Variants in ANAPC4 observed in about 807,000 individuals in gnomAD.
The protein encoded by ANAPC4 is anaphase promoting complex subunit 4, also known as anaphase-promoting complex subunit 4.
A neutral mutation model predicts 119.8 loss-of-function variants in ANAPC4; 63 were observed. That is an observed-to-expected ratio of 0.53 (90% CI 0.43 to 0.65). The LOEUF (loss-of-function observed/expected upper bound fraction) is 0.65, where lower values mean the gene tolerates loss of function less well. Ranked by LOEUF, ANAPC4 falls within the 30% of genes least tolerant of loss-of-function variation. ANAPC4 has a pLI of 0.00. For synonymous variants in ANAPC4, 283 were observed against 318.6 expected, an observed-to-expected ratio of 0.89 and a Z score of 1.19; for missense variants, 716 against 945.1, an observed-to-expected ratio of 0.76 and a Z score of 3.18.
rs755040595 is a variant in ANAPC4 at position 25,415,532 on chromosome 4, C to G, written c.1893C>G (p.Val631=). 4.3e-6 allele frequency: 7 copies of G among 1,612,054 alleles called. No individual in the cohort carries two copies. The Admixed American group carries it at 1.2e-4, about 27-fold the overall frequency. Residue 631 remains valine (V), a synonymous_variant, in exon 26 of 29, where the codon GTC becomes GTG. Transcript: ENST00000315368. The stretch of plus-strand genomic sequence containing the variant: ...TTACATATGCCACAACAGAAAAAGT[C>G]AGAAGAAGGTAAGTCTTGAATCTTG... The part of the protein sequence containing the change: ...GSFTYATTEK[V]RRSIYSCLDA...
chr4:25,399,738 G>A (rs1467615796), intron 16 of ANAPC4, among the ~76,000 whole-genome samples: 4 of 152,144 alleles, frequency 2.6e-5, no homozygotes, highest in Admixed American at 2.6e-4. Context: ...CAAGGGAGGG[G>A]TCCAGGCTGG....
chr4:25,402,146 A>G (rs1723014009), intron 16 of ANAPC4, among the ~76,000 whole-genome samples: 1 of 152,100 alleles, frequency 6.6e-6, no homozygotes. Flanking sequence ...TTTTGATTAT[A>G]TTGCTTAGTA....
intron 20 of ANAPC4, among the ~76,000 whole-genome samples, chr4:25,408,950 C>G (rs1271302904): frequency 6.6e-6 from 1 of 152,120 alleles, no homozygotes; most frequent in Non-Finnish European, 1.5e-5. Flanking sequence ...TTAATGACTT[C>G]ATTAAAGATA....
intron 2 of ANAPC4, among the ~76,000 whole-genome samples, chr4:25,377,930 G>A (rs906582602): frequency 6.6e-6 from 1 of 152,202 alleles, no homozygotes; most frequent in Admixed American, 6.5e-5. Flanking sequence ...GTAGATGCAG[G>A]GACCCTGCCC....
At chr4:25,401,584 C>G (rs1365130035) in intron 16 of ANAPC4, among the ~76,000 whole-genome samples, 1 of 152,218 alleles carries the variant, frequency 6.6e-6, no homozygotes, top group Non-Finnish European at 1.5e-5. Context: ...CTGGGCTTCT[C>G]CAAGGCGGAG....
intron 7 of ANAPC4, among the ~76,000 whole-genome samples, chr4:25,389,490 A>G (rs1577376723): frequency 6.6e-6 from 1 of 151,028 alleles, no homozygotes; most frequent in Non-Finnish European, 1.5e-5. Flanking sequence ...ACGGGGTTTC[A>G]CCATGTTGGC....
intron 2 of ANAPC4, among the ~76,000 whole-genome samples, chr4:25,379,636 G>C (rs1198616511): frequency 6.6e-6 from 1 of 152,182 alleles, no homozygotes; most frequent in Non-Finnish European, 1.5e-5. Context: ...CTGACCATGA[G>C]CTGCAGAAAG....
At chr4:25,384,787 A>T (rs972152705) in intron 4 of ANAPC4, among the ~76,000 whole-genome samples, 24 of 143,962 alleles carry the variant, frequency 1.7e-4, no homozygotes, top group African/African-American at 5.7e-4. Context: ...TGGGTGACAG[A>T]GTGACCTGTC....
At chr4:25,410,035 A>C (rs780068097) in intron 21 of ANAPC4, among the ~76,000 whole-genome samples, 2 of 152,200 alleles carry the variant, frequency 1.3e-5, no homozygotes, top group Non-Finnish European at 2.9e-5. Context: ...GTGTTCTCAT[A>C]TAAGTGTTTT....
intron 14 of ANAPC4, among the ~76,000 whole-genome samples, chr4:25,395,793 T>C (rs1332121649): frequency 6.6e-6 from 1 of 152,184 alleles, no homozygotes; most frequent in Non-Finnish European, 1.5e-5. Flanking sequence ...GCTGAGTCCC[T>C]GGCCCTAACT....
intron 10 of ANAPC4, among the ~76,000 whole-genome samples, chr4:25,393,434 G>A (rs1322149090): frequency 6.6e-6 from 1 of 152,140 alleles, no homozygotes; most frequent in Non-Finnish European, 1.5e-5. Context: ...GGCTGAGGCA[G>A]GTGGATCACT....
In ANAPC4 at chr4:25,408,327, C is replaced by T. The variant is rs563619723; in HGVS notation, c.1431+1074C>T. ...TTCATTCATCTTCTTGCACTTTGAACGGATCTTTTGTCCACGCATAATTTT... is the reference window on the plus strand; with the variant it reads ...TTCATTCATCTTCTTGCACTTTGAATGGATCTTTTGTCCACGCATAATTTT... On this transcript the variant is annotated intron_variant, in intron 20 of 28. Coordinates refer to ENST00000315368, the MANE Select transcript of ANAPC4 (RefSeq NM_013367.3). Among the ~76,000 whole-genome samples, 15 of 152,204 alleles carry T rather than the reference C, an allele frequency of 9.9e-5. 1 individual carries two copies. Among genetic ancestry groups the T allele is most frequent in the African/African-American group, 2.2e-4 (9 of 41,526 alleles).
intron 20 of ANAPC4, among the ~76,000 whole-genome samples, chr4:25,408,764 G>A (rs1310919913): frequency 6.6e-6 from 1 of 152,008 alleles, no homozygotes. Context: ...CTCCTAAAGT[G>A]CGGGGATTAC....
At chr4:25,400,218 TTATG>T (rs1722889676) in intron 16 of ANAPC4, among the ~76,000 whole-genome samples, 1 of 152,052 alleles carries the variant, frequency 6.6e-6, no homozygotes, top group South Asian at 2.1e-4. Flanking sequence ...TGGAGCATGT[TTATG>T]TATGGATGGA....
chr4:25,407,964 G>GA, intron 20 of ANAPC4, among the ~76,000 whole-genome samples: 1 of 152,260 alleles, frequency 6.6e-6, no homozygotes, highest in African/African-American at 2.4e-5. Flanking sequence ...TATTTTTAGT[G>GA]AAAAATAATG....
At chr4:25,383,195 G>A (rs1721840642) in intron 3 of ANAPC4, 66 bp from the exon 4 acceptor site, 4 of 1,425,028 alleles carry the variant, frequency 2.8e-6, no homozygotes, top group Admixed American at 4.8e-5. Context: ...GGGCAATAAG[G>A]GAAATACCCA....
At chr4:25,417,472 T>TAACA (rs2109150047) in intron 27 of ANAPC4, 144 bp from the exon 28 acceptor site, 1 of 859,074 alleles carries the variant, frequency 1.2e-6, no homozygotes, top group East Asian at 2.9e-5. Context: ...GCTTTTTTTC[T>TAACA]AACACAACAG....
chr4:25,409,998 C>T (rs756462655), intron 21 of ANAPC4, among the ~76,000 whole-genome samples: 3 of 152,144 alleles, frequency 2.0e-5, no homozygotes, highest in Non-Finnish European at 2.9e-5. Flanking sequence ...AAGTTAACTA[C>T]GCTGTAGGAA....
chr4:25,379,833 C>A (rs1278026853), intron 2 of ANAPC4, among the ~76,000 whole-genome samples: 1 of 151,906 alleles, frequency 6.6e-6, no homozygotes. Context: ...AGTGGTGAGG[C>A]CTTTTCTTCC....
Sources: gnomAD v4.1 joint callset for allele counts (sites outside exome capture counted in the v4.1 genomes callset) on GRCh38, gnomAD v4.1.1 for gene constraint, MANE v1.5 for transcripts, NCBI Gene and HGNC (gene_info 2026-07-23, HGNC 2026-07-21) for gene names.